The following CDH9 variants were observed in gnomAD, a reference collection of about 807,000 sequenced individuals.
The protein encoded by CDH9 is cadherin-9.
CDH9 carries 28 observed loss-of-function variants against 70.9 expected under a neutral mutation model. That is an observed-to-expected ratio of 0.40 (90% CI 0.29 to 0.54). CDH9 has a LOEUF of 0.54. CDH9 is among the 20% of genes least tolerant of loss of function. The pLI is 0.59. For synonymous variants in CDH9, 409 were observed against 343.1 expected (o/e 1.19, Z -2.12); for missense variants, 874 against 984.4 (o/e 0.89, Z 1.50).
At chr5:26,928,924 T>C (rs750807000) in intron 2 of CDH9, among the ~76,000 whole-genome samples, 6 of 152,106 alleles carry the variant, frequency 3.9e-5, no homozygotes, top group South Asian at 2.1e-4. Context: ...TCCAGGATAT[T>C]GGTTTGGGCA....
intron 9 of CDH9, among the ~76,000 whole-genome samples, chr5:26,886,505 A>C (rs908078054): frequency 3.9e-5 from 6 of 152,088 alleles, no homozygotes; most frequent in African/African-American, 1.4e-4. Context: ...TTTTAAAAAC[A>C]CCAATGCTTA....
intron 1 of CDH9, among the ~76,000 whole-genome samples, chr5:27,009,822 CAG>C (rs1269609945): frequency 6.6e-6 from 1 of 152,086 alleles, no homozygotes; most frequent in African/African-American, 2.4e-5. Flanking sequence ...AGATATGCCA[CAG>C]AAATAGCATC....
chr5:27,016,253 T>C (rs1456911210), intron 1 of CDH9, among the ~76,000 whole-genome samples: 2 of 151,824 alleles, frequency 1.3e-5, no homozygotes, highest in Admixed American at 6.6e-5. Context: ...GTATAAGTTT[T>C]AGCCATACAT....
At chr5:26,944,430 C>T (rs778148827) in intron 2 of CDH9, among the ~76,000 whole-genome samples, 6 of 152,106 alleles carry the variant, frequency 3.9e-5, no homozygotes, top group African/African-American at 7.2e-5. Context: ...GCAAGAGGAT[C>T]GCTTGAGTCC....
chr5:27,002,325 C>G (rs537836105), intron 1 of CDH9, among the ~76,000 whole-genome samples: 6 of 152,186 alleles, frequency 3.9e-5, no homozygotes, highest in East Asian at 3.9e-4. Context: ...GTTGGTGGGA[C>G]TGTAAACTAG....
chr5:27,006,852 T>G (rs1471770267), intron 1 of CDH9, among the ~76,000 whole-genome samples: 1 of 152,086 alleles, frequency 6.6e-6, no homozygotes, highest in African/African-American at 2.4e-5. Context: ...GTCTACTGAT[T>G]TTCTAGGCAT....
chr5:26,906,255 C>A, intron 4 of CDH9, 129 bp from the exon 5 acceptor site: 1 of 690,554 alleles, frequency 1.4e-6, no homozygotes, highest in Non-Finnish European at 2.4e-6. Context: ...ATATGTCCTT[C>A]AATCCATAAC....
chr5:26,935,207 G>T (rs1281933521), intron 2 of CDH9, among the ~76,000 whole-genome samples: 1 of 152,082 alleles, frequency 6.6e-6, no homozygotes, highest in East Asian at 1.9e-4. Context: ...GCCAGTAAGA[G>T]CAAGCTAAAA....
At chr5:26,898,177 CACAA>C (rs1159596511) in intron 7 of CDH9, among the ~76,000 whole-genome samples, 1 of 151,818 alleles carries the variant, frequency 6.6e-6, no homozygotes, top group African/African-American at 2.4e-5. Flanking sequence ...TAAGGGAGGA[CACAA>C]ACAAAGGAAA....
chr5:26,933,023 AT>A (rs755420001), intron 2 of CDH9, among the ~76,000 whole-genome samples: 2 of 147,514 alleles, frequency 1.4e-5, no homozygotes, highest in Non-Finnish European at 3.0e-5. Flanking sequence ...AATATATTAT[AT>A]TAATGTATTA....
chr5:26,923,214 A>G (rs1741277900), intron 2 of CDH9, among the ~76,000 whole-genome samples: 3 of 150,018 alleles, frequency 2.0e-5, no homozygotes, highest in Admixed American at 2.0e-4. Flanking sequence ...AAGGGATGGA[A>G]AAACGTATTC....
intron 2 of CDH9, among the ~76,000 whole-genome samples, chr5:26,970,909 T>C (rs1179431812): frequency 1.3e-5 from 2 of 152,150 alleles, no homozygotes; most frequent in Non-Finnish European, 2.9e-5. Flanking sequence ...TGTTCACATA[T>C]AATTCAAGTT....
rs184080472 is a variant in CDH9 at position 26,939,320 on chromosome 5, T to A, written c.229-23396A>T. Among the ~76,000 whole-genome samples, 735 of 151,882 alleles carry A rather than the reference T, an allele frequency of 4.8e-3. 2 individuals carry two copies. The highest frequency in any genetic ancestry group is 8.0e-3 in the Non-Finnish European group (541 of 67,844). ...TATGAAATGAGCTCTTAGACTTAAA[T>A]ACAAAAACAAACACTAATTGAAAAC... On this transcript the variant is annotated intron_variant, in intron 2 of 11. Coordinates refer to ENST00000231021, the MANE Select transcript of CDH9 (RefSeq NM_016279.4).
intron 2 of CDH9, among the ~76,000 whole-genome samples, chr5:26,973,054 G>T (rs1017307143): frequency 1.3e-5 from 2 of 151,992 alleles, no homozygotes; most frequent in Non-Finnish European, 2.9e-5. Flanking sequence ...AGTAGAGATG[G>T]GGTTTCACCA....
At chr5:26,970,500 A>G (rs1377720078) in intron 2 of CDH9, among the ~76,000 whole-genome samples, 1 of 152,114 alleles carries the variant, frequency 6.6e-6, no homozygotes, top group Non-Finnish European at 1.5e-5. Flanking sequence ...GATTTCATGT[A>G]TTGCATAAAT....
intron 2 of CDH9, among the ~76,000 whole-genome samples, chr5:26,970,327 T>C (rs1291573467): frequency 6.6e-6 from 1 of 152,034 alleles, no homozygotes. Context: ...CAATTCTTTT[T>C]TCAAGTAGCT....
chr5:27,035,692 G>A (rs1743380120), intron 1 of CDH9, among the ~76,000 whole-genome samples: 1 of 144,026 alleles, frequency 6.9e-6, no homozygotes, highest in Non-Finnish European at 1.5e-5. Context: ...GTGTGTGTGT[G>A]TGTGTGTGTG....
intron 2 of CDH9, among the ~76,000 whole-genome samples, chr5:26,917,310 A>C (rs1174379086): frequency 6.6e-6 from 1 of 151,970 alleles, no homozygotes. Context: ...TTGATCAAGG[A>C]ATGCAAAATT....
intron 1 of CDH9, among the ~76,000 whole-genome samples, chr5:27,000,600 G>A (rs1742747043): frequency 6.6e-6 from 1 of 151,840 alleles, no homozygotes. Context: ...ACATAACATG[G>A]GAATCACACT....
Sources: gnomAD v4.1 joint callset for allele counts (sites outside exome capture counted in the v4.1 genomes callset) on GRCh38, gnomAD v4.1.1 for gene constraint, MANE v1.5 for transcripts, NCBI Gene and HGNC (gene_info 2026-07-23, HGNC 2026-07-21) for gene names.